Variants in HIPK1 observed in about 807,000 individuals in gnomAD.
HIPK1 encodes the protein homeodomain-interacting protein kinase 1.
Under a neutral mutation model 117.1 loss-of-function variants are expected in HIPK1, and 28 were observed. The observed-to-expected ratio is 0.24, with a 90% CI of 0.18 to 0.33. The LOEUF (loss-of-function observed/expected upper bound fraction) is 0.33, where lower values mean the gene tolerates loss of function less well. Ranked by LOEUF, HIPK1 falls within the 10% of genes least tolerant of loss-of-function variation. HIPK1 has a pLI of 1.00. For synonymous variants in HIPK1, 605 were observed against 562.5 expected, an observed-to-expected ratio of 1.08 and a Z score of -1.07; for missense variants, 1,122 against 1,475.1, an observed-to-expected ratio of 0.76 and a Z score of 3.92.
At chr1:113,937,340 T>C (rs534111837) in intron 1 of HIPK1, among the ~76,000 whole-genome samples, 15 of 152,338 alleles carry the variant, frequency 9.8e-5, no homozygotes, top group Admixed American at 9.8e-4. Context: ...ACATCCTTTG[T>C]CATGTTTCCT....
intron 1 of HIPK1, chr1:113,933,038 C>A: frequency 4.4e-6 from 1 of 229,328 alleles, no homozygotes; most frequent in Non-Finnish European, 7.2e-6. Context: ...TTTCTTAATT[C>A]TAAGCTTTAT....
intron 1 of HIPK1, among the ~76,000 whole-genome samples, chr1:113,937,196 A>T (rs970229822): frequency 2.6e-5 from 4 of 152,210 alleles, no homozygotes; most frequent in Non-Finnish European, 5.9e-5. Flanking sequence ...GGAAACTCTT[A>T]AAGTAAATCT....
rs893904583 is a variant in HIPK1, at chr1:113,976,420, A to G, written c.*2908A>G. On this transcript the variant is annotated 3_prime_UTR_variant, in exon 16 of 16. Coordinates refer to ENST00000426820, the MANE Select transcript of HIPK1 (RefSeq NM_198268.3). ...TTGTCTTTTTTCTGTAAGGGACAAG[A>G]TTTGTTGTTTTTGTAAGAAATGAGA... The G allele has an allele frequency of 6.6e-6, 1 of 152,488 alleles. No homozygotes were observed. Among genetic ancestry groups the G allele is most frequent in the African/African-American group, 2.4e-5 (1 of 41,418 alleles). The allele number at this position is 152,488 out of a possible 1,614,324, so 9.4% of individuals were successfully genotyped here. A position where few individuals can be genotyped will look rare whatever the true frequency, so the allele number is the denominator to read the frequency against.
At chr1:113,944,395 C>T (rs544767384) in intron 2 of HIPK1, among the ~76,000 whole-genome samples, 7 of 151,548 alleles carry the variant, frequency 4.6e-5, no homozygotes, top group Non-Finnish European at 8.8e-5. Flanking sequence ...AACTCCTGAC[C>T]TCAGGTGATC....
chr1:113,940,881 T>C lies in HIPK1; in HGVS notation c.498T>C (p.Ser166=), dbSNP rs1247172197. Residue 166 remains serine (S), a synonymous_variant, in exon 2 of 16, where the codon AGT becomes AGC. Transcript: ENST00000426820. ...CAACCACCACTGTGACCACAAAGAG[T>C]AGCAGTTCCAGCGGAGAAGGGGATT... ...AATTTTVTTK[S]SSSSGEGDYQ... is the part of the protein sequence containing the mutation. 8 of 1,613,600 alleles carry C rather than the reference T, an allele frequency of 5.0e-6. No individual in the cohort carries two copies. The Admixed American group carries it at 1.0e-4, about 20-fold the overall frequency.
rs1315605622 is a variant in HIPK1, at chr1:113,940,454, T to C, written c.71T>C (p.Leu24Pro). 5 of 1,614,112 alleles carry C rather than the reference T, an allele frequency of 3.1e-6. No homozygotes were observed. The highest frequency in any genetic ancestry group is 4.2e-6 in the Non-Finnish European group (5 of 1,180,024). The change falls in exon 2 of 16, where the codon CTG becomes CCG. Residue 24 changes from leucine (L) to proline (P), a missense_variant. Transcript: ENST00000426820. ...AGTGCCTTCTGCAGTGCGAAGAAAC[T>C]GAAAATAGAGCCCTCTGGCTGGGAT... The part of the protein sequence containing the change: ...SSSAFCSAKK[L>P]KIEPSGWDVS...
chr1:113,973,523 T>G lies in HIPK1; in HGVS notation c.*11T>G. The G allele has an allele frequency of 6.4e-7, 1 of 1,562,042 alleles. No homozygotes were observed. Among genetic ancestry groups the G allele is most frequent in the Non-Finnish European group, 8.7e-7 (1 of 1,150,534 alleles). On this transcript the variant is annotated 3_prime_UTR_variant, in exon 16 of 16. Coordinates refer to ENST00000426820, the MANE Select transcript of HIPK1 (RefSeq NM_198268.3). The stretch of plus-strand genomic sequence containing the variant: ...TATTCCTACTTATAGTTGGTGAGCA[T>G]GAGGGAGGAGGAATCATGGCTACCT...
chr1:113,965,346 G>GCTCA (rs1672379060), intron 10 of HIPK1, among the ~76,000 whole-genome samples: 1 of 151,942 alleles, frequency 6.6e-6, no homozygotes, highest in Admixed American at 6.6e-5. Context: ...AACATTTGTT[G>GCTCA]CTCAGTTTAT....
At chr1:113,931,860 A>G (rs1669918185) in intron 1 of HIPK1, among the ~76,000 whole-genome samples, 1 of 152,158 alleles carries the variant, frequency 6.6e-6, no homozygotes, top group African/African-American at 2.4e-5. Context: ...TGCAAACATG[A>G]GCTGCTTGAT....
rs1317312727 is a variant in HIPK1, at chr1:113,973,021, C to T, written c.3145-3C>T. The T allele has an allele frequency of 6.6e-7, 1 of 1,512,138 alleles. No homozygotes were observed. The highest frequency in any genetic ancestry group is 1.4e-5 in the African/African-American group (1 of 71,542). The allele number at this position is 1,512,138 out of a possible 1,614,324, so 93.7% of individuals were successfully genotyped here. A position where few individuals can be genotyped will look rare whatever the true frequency, so the allele number is the denominator to read the frequency against. On this transcript the variant is annotated splice_polypyrimidine_tract_variant and splice_region_variant and intron_variant, in intron 15 of 15. Coordinates refer to ENST00000426820, the MANE Select transcript of HIPK1 (RefSeq NM_198268.3). ...TTCCTCACTTCTTCCTTCTTTCTTCCAGAACCAGCAGTCATCGGCGGCTCC... is the reference window on the plus strand; with the variant it reads ...TTCCTCACTTCTTCCTTCTTTCTTCTAGAACCAGCAGTCATCGGCGGCTCC...
intron 10 of HIPK1, among the ~76,000 whole-genome samples, chr1:113,965,241 A>G (rs909156011): frequency 2.0e-5 from 3 of 152,178 alleles, no homozygotes; most frequent in Non-Finnish European, 4.4e-5. Flanking sequence ...AGGTAATTGT[A>G]CTGCAGAATT....
At chr1:113,951,258 A>G in intron 2 of HIPK1, 3 of 984,938 alleles carry the variant, frequency 3.0e-6, no homozygotes, top group Non-Finnish European at 3.6e-6. Context: ...TTGCCCTTGT[A>G]TTCCACCATG....
chr1:113,962,360 G>A lies in HIPK1; in HGVS notation c.2025G>A (p.Arg675=), dbSNP rs1672181105. 1.2e-6 allele frequency: 2 copies of A among 1,613,718 alleles called. No homozygotes were observed. Among genetic ancestry groups the A allele is most frequent in the East Asian group, 4.5e-5 (2 of 44,846 alleles). ...CAAAGCATTCTGGATTCCCTGTGAGGATGGATAATGCTGTACCGATTGTAC... is the reference window on the plus strand; with the variant it reads ...CAAAGCATTCTGGATTCCCTGTGAGAATGGATAATGCTGTACCGATTGTAC... ...ATTKHSGFPV[R]MDNAVPIVPQ... The change falls in exon 9 of 16, where the codon AGG becomes AGA. Residue 675 remains arginine, a synonymous_variant. Transcript: ENST00000426820.
At chr1:113,946,209 A>G (rs923361686) in intron 2 of HIPK1, among the ~76,000 whole-genome samples, 1 of 152,182 alleles carries the variant, frequency 6.6e-6, no homozygotes, top group African/African-American at 2.4e-5. Flanking sequence ...AACATAACAT[A>G]TATATAACAT....
chr1:113,940,831 A>G lies in HIPK1; in HGVS notation c.448A>G (p.Arg150Gly), dbSNP rs997671653. 2 of 1,614,022 alleles carry G rather than the reference A, an allele frequency of 1.2e-6. No individual in the cohort carries two copies. Among genetic ancestry groups the G allele is most frequent in the African/African-American group, 2.7e-5 (2 of 74,948 alleles). Residue 150 changes from arginine to glycine, a missense_variant, in exon 2 of 16, where the codon AGG (arginine) becomes GGG (glycine). Arg to Gly is a moderately radical substitution (Grantham distance 125, BLOSUM62 -2). Transcript: ENST00000426820. ...EEHPPLMLQNRTVVGAAATTT... is the reference protein window; with the variant it reads ...EEHPPLMLQNGTVVGAAATTT... The stretch of plus-strand genomic sequence containing the variant: ...ACATCCCCCTCTCATGCTGCAAAAC[A>G]GGACTGTGGTGGGTGCTGCTGCCAC...
rs778891073 is a variant in HIPK1, at chr1:113,973,270, C to T, written c.3391C>T (p.His1131Tyr). The T allele has an allele frequency of 6.2e-7, 1 of 1,614,170 alleles. No individual in the cohort carries two copies. Among genetic ancestry groups the T allele is most frequent in the Admixed American group, 1.7e-5 (1 of 60,028 alleles). The change falls in exon 16 of 16, where the codon CAT becomes TAT. Residue 1131 changes from histidine (H) to tyrosine (Y), a missense_variant. His to Tyr is a moderately conservative substitution (Grantham distance 83). Coordinates refer to ENST00000426820, the MANE Select transcript of HIPK1 (RefSeq NM_198268.3). Reference protein sequence around the residue: ...AALGSTSSIAHLFSPQGSSRH... With the variant: ...AALGSTSSIAYLFSPQGSSRH... Reference sequence around the variant, plus strand: ...ACTGGGCTCAACCAGCTCCATTGCTCATCTTTTCTCCCCACAGGGTTCCTC... The same window carrying T: ...ACTGGGCTCAACCAGCTCCATTGCTTATCTTTTCTCCCCACAGGGTTCCTC...
At position 113,973,374 on chromosome 1, in the gene HIPK1, C is replaced by T. The variant is rs747839358; in HGVS notation, c.3495C>T (p.Leu1165=). Residue 1165 remains leucine, a synonymous_variant, in exon 16 of 16, where the codon CTC becomes CTT. Transcript: ENST00000426820. ...QVPVSVGPSL[L]TSASVAPAQY... The stretch of plus-strand genomic sequence containing the variant: ...CTGTCAGTGTTGGGCCCAGCCTCCT[C>T]ACTTCTGCCAGCGTGGCCCCTGCTC... The T allele has an allele frequency of 1.9e-6, 3 of 1,614,228 alleles. No individual in the cohort carries two copies. The highest frequency in any genetic ancestry group is 1.1e-5 in the South Asian group (1 of 91,084).
Position 113,967,912 on chromosome 1 carries a change from C to T in HIPK1, c.2528C>T (p.Ser843Leu), listed in dbSNP as rs200123911. 159 of 1,609,320 alleles carry T rather than the reference C, an allele frequency of 9.9e-5. 1 individual carries two copies. The highest frequency in any genetic ancestry group is 5.8e-4 in the East Asian group (26 of 44,830). Reference protein sequence around the residue: ...VRQQQSSSLPSKKNKQSAPVS... With the variant: ...VRQQQSSSLPLKKNKQSAPVS... ...CAACAACAATCCAGTTCCCTCCCTT[C>T]GAAGAAGAATAAGCAGTCAGCTCCA... The change falls in exon 12 of 16, where the codon TCG becomes TTG. Residue 843 changes from serine (S) to leucine (L), a missense_variant. Coordinates refer to ENST00000426820, the MANE Select transcript of HIPK1 (RefSeq NM_198268.3).
intron 9 of HIPK1, among the ~76,000 whole-genome samples, chr1:113,962,926 A>C (rs1329596638): frequency 2.6e-5 from 4 of 152,216 alleles, no homozygotes; most frequent in Non-Finnish European, 5.9e-5. Flanking sequence ...GTGTTTAACC[A>C]GATTGTAGAA....
Sources: allele counts gnomAD v4.1 joint callset (sites outside exome capture counted in the v4.1 genomes callset), GRCh38; gene constraint gnomAD v4.1.1; transcripts MANE v1.5; gene names NCBI Gene and HGNC (gene_info 2026-07-23, HGNC 2026-07-21).